Variants in CSGALNACT1 observed in about 807,000 individuals in gnomAD.
CSGALNACT1 encodes the protein chondroitin sulfate N-acetylgalactosaminyltransferase 1.
A neutral mutation model predicts 51.0 loss-of-function variants in CSGALNACT1; 52 were observed. That is an observed-to-expected ratio of 1.02 (90% confidence interval 0.82 to 1.29). The LOEUF is 1.29. Ranked by LOEUF, CSGALNACT1 falls within the 50% of genes most tolerant of loss-of-function variation. The probability of loss-of-function intolerance (pLI) is 0.00; values close to 1 mark genes in which losing one functional copy is unlikely to be tolerated. For synonymous variants in CSGALNACT1, 341 were observed against 254.4 expected, an observed-to-expected ratio of 1.34 and a Z score of -3.24; for missense variants, 935 against 679.2, an observed-to-expected ratio of 1.38 and a Z score of -4.19.
chr8:19,724,936 T>G (rs1443360402), intron 1 of CSGALNACT1, among the ~76,000 whole-genome samples: 1 of 152,194 alleles, frequency 6.6e-6, no homozygotes, highest in Non-Finnish European at 1.5e-5. Context: ...CCATCCCACG[T>G]AAGCAGAGAG....
intron 2 of CSGALNACT1, among the ~76,000 whole-genome samples, chr8:19,599,551 G>C (rs1206830739): frequency 6.8e-6 from 1 of 146,260 alleles, no homozygotes; most frequent in East Asian, 2.0e-4. Context: ...AGGAAAGAAA[G>C]AAGGAAAGGG....
chr8:19,546,982 C>A (rs1252059565), intron 3 of CSGALNACT1, among the ~76,000 whole-genome samples: 1 of 152,218 alleles, frequency 6.6e-6, no homozygotes, highest in Non-Finnish European at 1.5e-5. Context: ...TCAGATGCGT[C>A]TTCTCTAGAA....
intron 1 of CSGALNACT1, among the ~76,000 whole-genome samples, chr8:19,750,341 A>G (rs2064953226): frequency 6.6e-6 from 1 of 152,154 alleles, no homozygotes; most frequent in Non-Finnish European, 1.5e-5. Context: ...CCAGAAAACG[A>G]CATTCTAAAG....
chr8:19,541,548 A>C (rs2085140603), intron 3 of CSGALNACT1, among the ~76,000 whole-genome samples: 2 of 100,672 alleles, frequency 2.0e-5, no homozygotes, highest in African/African-American at 4.6e-5. Flanking sequence ...CACCGTGCTC[A>C]GCCAATTTTT....
At chr8:19,748,653 A>T in intron 1 of CSGALNACT1, among the ~76,000 whole-genome samples, 1 of 152,154 alleles carries the variant, frequency 6.6e-6, no homozygotes, top group Non-Finnish European at 1.5e-5. Flanking sequence ...CATTTTATGG[A>T]TGAGAAACAG....
At chr8:19,506,290 C>T (rs959432143) in intron 3 of CSGALNACT1, among the ~76,000 whole-genome samples, 160 bp from the exon 3 acceptor site, 6 of 152,124 alleles carry the variant, frequency 3.9e-5, no homozygotes, top group South Asian at 4.1e-4. Context: ...AGAACACAAA[C>T]GCACATCTGC....
chr8:19,600,000 T>C (rs553451527), intron 2 of CSGALNACT1, among the ~76,000 whole-genome samples: 18 of 152,240 alleles, frequency 1.2e-4, no homozygotes, highest in Admixed American at 2.6e-4. Flanking sequence ...GCAGTAGGGA[T>C]AGCCTTGTGT....
chr8:19,474,584 C>A (rs2068975992), intron 4 of CSGALNACT1, among the ~76,000 whole-genome samples: 1 of 151,998 alleles, frequency 6.6e-6, no homozygotes, highest in Admixed American at 6.6e-5. Flanking sequence ...TAAGCACCTT[C>A]CGGCCAGGTG....
intron 1 of CSGALNACT1, among the ~76,000 whole-genome samples, chr8:19,626,337 T>C (rs1449880638): frequency 6.6e-6 from 1 of 152,058 alleles, no homozygotes; most frequent in Non-Finnish European, 1.5e-5. Flanking sequence ...AAGGAGACTG[T>C]TTTCAAGAAA....
At chr8:19,609,633 G>A (rs1013517382) in intron 1 of CSGALNACT1, among the ~76,000 whole-genome samples, 1 of 151,420 alleles carries the variant, frequency 6.6e-6, no homozygotes, top group African/African-American at 2.4e-5. Context: ...CCAGCACATC[G>A]GTGTTCACCT....
intron 1 of CSGALNACT1, among the ~76,000 whole-genome samples, chr8:19,614,123 T>A (rs527272573): frequency 6.6e-6 from 1 of 152,344 alleles, no homozygotes; most frequent in South Asian, 2.1e-4. Flanking sequence ...ATTTGTGTAA[T>A]ACTCTTAATG....
intron 6 of CSGALNACT1, among the ~76,000 whole-genome samples, chr8:19,425,645 T>C (rs1352291570): frequency 1.3e-5 from 2 of 152,132 alleles, no homozygotes; most frequent in East Asian, 3.9e-4. Flanking sequence ...CTCTTTCCCC[T>C]TTGGAAAAAG....
chr8:19,600,457 G>C (rs1244741603), intron 2 of CSGALNACT1, among the ~76,000 whole-genome samples: 3 of 152,056 alleles, frequency 2.0e-5, no homozygotes, highest in Non-Finnish European at 4.4e-5. Context: ...GGTCTACATG[G>C]GGTTGTAATG....
At chr8:19,633,985 C>G (rs1473209708) in intron 1 of CSGALNACT1, among the ~76,000 whole-genome samples, 6 of 152,180 alleles carry the variant, frequency 3.9e-5, no homozygotes, top group African/African-American at 1.4e-4. Flanking sequence ...TTTCACTTAA[C>G]AGTAACACAG....
At chr8:19,564,692 C>T (rs1461963090) in intron 3 of CSGALNACT1, among the ~76,000 whole-genome samples, 3 of 152,320 alleles carry the variant, frequency 2.0e-5, no homozygotes, top group South Asian at 4.1e-4. Context: ...CTTCAAGAGG[C>T]CTTCTTGGAT....
chr8:19,678,187 C>G (rs985930784), intron 1 of CSGALNACT1, among the ~76,000 whole-genome samples: 3 of 152,154 alleles, frequency 2.0e-5, no homozygotes, highest in African/African-American at 7.2e-5. Context: ...TTCTCAGGGA[C>G]TAATCCCAAG....
intron 2 of CSGALNACT1, among the ~76,000 whole-genome samples, chr8:19,591,812 C>T (rs966207306): frequency 2.2e-4 from 33 of 151,988 alleles, no homozygotes; most frequent in African/African-American, 7.5e-4. Flanking sequence ...AAAAGCAATT[C>T]TTATTAGTTT....
intron 3 of CSGALNACT1, among the ~76,000 whole-genome samples, chr8:19,539,711 T>A (rs1295065601): frequency 6.6e-6 from 1 of 152,218 alleles, no homozygotes; most frequent in Non-Finnish European, 1.5e-5. Flanking sequence ...CAGCAATATT[T>A]ATCCTTGAGA....
At chr8:19,633,730 G>A (rs2055614120) in intron 1 of CSGALNACT1, among the ~76,000 whole-genome samples, 1 of 152,186 alleles carries the variant, frequency 6.6e-6, no homozygotes, top group Admixed American at 6.5e-5. Context: ...ACTGTGAGAC[G>A]GTAAATTTCA....
Sources: gnomAD v4.1 joint callset for allele counts (sites outside exome capture counted in the v4.1 genomes callset) on GRCh38, gnomAD v4.1.1 for gene constraint, MANE v1.5 for transcripts, NCBI Gene and HGNC (gene_info 2026-07-23, HGNC 2026-07-21) for gene names.